The following AOPEP variants were observed in gnomAD, a reference collection of about 807,000 sequenced individuals.
AOPEP encodes the protein aminopeptidase O.
AOPEP carries 77 observed loss-of-function variants against 98.1 expected under a neutral mutation model. That is an observed-to-expected ratio of 0.78 (90% CI 0.65 to 0.95). The LOEUF is 0.95. AOPEP is among the 40% of genes least tolerant of loss of function. AOPEP has a pLI of 0.00. For missense variants in AOPEP, 1,024 were observed against 1,024.7 expected, an observed-to-expected ratio of 1.00 and a Z score of 0.01; for synonymous variants, 346 against 365.3, an observed-to-expected ratio of 0.95 and a Z score of 0.60.
chr9:94,751,492 G>A (rs12336061), intron 1 of AOPEP, among the ~76,000 whole-genome samples: 13,473 of 152,194 alleles, frequency 0.089, 708 homozygotes, highest in African/African-American at 0.13. Context: ...GGTGAGGTCA[G>A]GAATGTTTTC....
intron 5 of AOPEP, among the ~76,000 whole-genome samples, chr9:94,839,157 C>T (rs368594720): frequency 2.1e-4 from 32 of 150,824 alleles, no homozygotes; most frequent in African/African-American, 6.8e-4. Context: ...GCGATTTCGG[C>T]TCACTGAAAG....
chr9:94,876,253 A>G (rs930319099), intron 5 of AOPEP, among the ~76,000 whole-genome samples: 2 of 152,170 alleles, frequency 1.3e-5, no homozygotes, highest in African/African-American at 2.4e-5. Flanking sequence ...CCTAGAATAT[A>G]TTTAAAGATG....
At chr9:94,997,264 T>C (rs193137203) in intron 11 of AOPEP, among the ~76,000 whole-genome samples, 490 of 152,306 alleles carry the variant, frequency 3.2e-3, no homozygotes, top group African/African-American at 0.011. Flanking sequence ...ATTTTATCCC[T>C]TGGTGTAAGC....
At chr9:94,769,880 G>T (rs60774169) in intron 2 of AOPEP, among the ~76,000 whole-genome samples, 5,850 of 152,250 alleles carry the variant, frequency 0.038, 359 homozygotes, top group African/African-American at 0.13. Flanking sequence ...AGAACAAAAT[G>T]TCTAGAACTA....
chr9:94,900,117 C>G (rs2050187856), intron 5 of AOPEP, among the ~76,000 whole-genome samples: 1 of 152,148 alleles, frequency 6.6e-6, no homozygotes, highest in Admixed American at 6.5e-5. Context: ...GCAGGGGGGT[C>G]AGAGGATGAA....
rs1179272953 is a variant in AOPEP at position 94,910,690 on chromosome 9, G to T, written c.1365-13296G>T. Among the ~76,000 whole-genome samples, 3 of 152,176 alleles carry T rather than the reference G, an allele frequency of 2.0e-5. No individual in the cohort carries two copies. In the East Asian group the frequency reaches 5.8e-4, roughly 29 times the overall value. The stretch of plus-strand genomic sequence containing the variant: ...ATCCTCTGCACTTTTATATGATGAG[G>T]TGCAGCAGTGTTTCTAATTCTCTGT... On this transcript the variant is annotated intron_variant, in intron 5 of 16. Coordinates refer to ENST00000375315, the MANE Select transcript of AOPEP (RefSeq NM_001193329.3).
chr9:94,987,764 A>T (rs188739061), intron 11 of AOPEP, among the ~76,000 whole-genome samples: 16 of 152,296 alleles, frequency 1.1e-4, no homozygotes, highest in African/African-American at 3.4e-4. Context: ...TGTTGGGGAC[A>T]TGTTTAATTC....
At chr9:94,749,218 T>G (rs1181069599) in intron 1 of AOPEP, among the ~76,000 whole-genome samples, 1 of 152,256 alleles carries the variant, frequency 6.6e-6, no homozygotes, top group African/African-American at 2.4e-5. Flanking sequence ...CTATCATTAT[T>G]TATTTTCTTA....
At chr9:95,046,648 G>A (rs987873839) in intron 13 of AOPEP, among the ~76,000 whole-genome samples, 1 of 152,164 alleles carries the variant, frequency 6.6e-6, no homozygotes, top group African/African-American at 2.4e-5. Flanking sequence ...GGGAGTGTGG[G>A]GAACATAGGG....
At chr9:94,750,624 T>C (rs954634552) in intron 1 of AOPEP, among the ~76,000 whole-genome samples, 44 of 152,242 alleles carry the variant, frequency 2.9e-4, no homozygotes, top group Non-Finnish European at 4.7e-4. Flanking sequence ...AGTTCAGGTT[T>C]CAATCTGAGT....
At chr9:94,758,429 G>A (rs1407132290) in intron 1 of AOPEP, among the ~76,000 whole-genome samples, 1 of 152,176 alleles carries the variant, frequency 6.6e-6, no homozygotes, top group Non-Finnish European at 1.5e-5. Flanking sequence ...GAGAGAGGTA[G>A]AAACTGAAAT....
intron 1 of AOPEP, among the ~76,000 whole-genome samples, chr9:94,752,359 TCACACACACACA>T (rs58626205): frequency 7.1e-6 from 1 of 140,816 alleles, no homozygotes; most frequent in African/African-American, 2.9e-5. Flanking sequence ...TCTCTCTCTC[TCACACACACACA>T]CACACACACA....
chr9:94,963,824 A>G (rs113618306), intron 9 of AOPEP, among the ~76,000 whole-genome samples: 53 of 152,360 alleles, frequency 3.5e-4, no homozygotes, highest in African/African-American at 1.2e-3. Flanking sequence ...AGAATTGAAA[A>G]GAGGTGGTGC....
chr9:95,077,217 C>T (rs758177071), intron 14 of AOPEP, among the ~76,000 whole-genome samples: 5 of 152,194 alleles, frequency 3.3e-5, no homozygotes, highest in Non-Finnish European at 5.9e-5. Context: ...TTCCTAGGCA[C>T]GGGACAGCAC....
chr9:94,860,269 C>A (rs918133779), intron 5 of AOPEP, among the ~76,000 whole-genome samples: 1 of 152,086 alleles, frequency 6.6e-6, no homozygotes, highest in African/African-American at 2.4e-5. Context: ...AATTTAGTGA[C>A]CTATGGGAAG....
At chr9:94,843,224 T>C (rs1396224150) in intron 5 of AOPEP, among the ~76,000 whole-genome samples, 1 of 152,208 alleles carries the variant, frequency 6.6e-6, no homozygotes. Flanking sequence ...CTCGGCACTT[T>C]TCACATCTTG....
At chr9:95,019,266 C>T (rs1323176017) in intron 13 of AOPEP, 1 of 152,232 alleles carries the variant, frequency 6.6e-6, no homozygotes, top group Non-Finnish European at 1.5e-5. Context: ...TTATTTGCCA[C>T]TCTCTTCACT....
Position 94,968,199 on chromosome 9 carries a change from T to C in AOPEP, c.1916+398T>C, listed in dbSNP as rs145908377. Among the ~76,000 whole-genome samples the C allele has an allele frequency of 1.2e-3, 182 of 152,296 alleles. 2 individuals are homozygous for C. Among genetic ancestry groups the C allele is most frequent in the African/African-American group, 4.3e-3 (177 of 41,576 alleles). Reference sequence around the variant, plus strand: ...AAAAATGTAGTATAGTAGTAAGAGCTTGGGATGTAAAATCAGGCTCTCCTA... The same window carrying C: ...AAAAATGTAGTATAGTAGTAAGAGCCTGGGATGTAAAATCAGGCTCTCCTA... On this transcript the variant is annotated intron_variant, in intron 10 of 16. Coordinates refer to ENST00000375315, the MANE Select transcript of AOPEP (RefSeq NM_001193329.3).
At chr9:94,894,333 A>T (rs1411783341) in intron 5 of AOPEP, among the ~76,000 whole-genome samples, 4 of 152,222 alleles carry the variant, frequency 2.6e-5, no homozygotes, top group Non-Finnish European at 5.9e-5. Context: ...TAAGAGGGGA[A>T]AGAGAAAAAC....
Sources: allele counts gnomAD v4.1 joint callset (sites outside exome capture counted in the v4.1 genomes callset), GRCh38; gene constraint gnomAD v4.1.1; transcripts MANE v1.5; gene names NCBI Gene and HGNC (gene_info 2026-07-23, HGNC 2026-07-21).